CREB5: variants seen among roughly 807,000 people sequenced by gnomAD.
CREB5 encodes the protein cAMP responsive element binding protein 5.
Under a neutral mutation model 57.1 loss-of-function variants are expected in CREB5, and 19 were observed. That is an observed-to-expected ratio of 0.33 (90% CI 0.23 to 0.49). The LOEUF is 0.49. Among genes scored for constraint, CREB5 ranks in the 20% least tolerant of loss-of-function variants. The probability of loss-of-function intolerance (pLI) is 0.99; values close to 1 mark genes in which losing one functional copy is unlikely to be tolerated. For synonymous variants in CREB5, 238 were observed against 238.3 expected, an observed-to-expected ratio of 1.00 and a Z score of 0.01; for missense variants, 579 against 671.6, an observed-to-expected ratio of 0.86 and a Z score of 1.52.
At chr7:28,686,987 TG>T (rs1208979130) in intron 5 of CREB5, among the ~76,000 whole-genome samples, 9 of 136,626 alleles carry the variant, frequency 6.6e-5, no homozygotes, top group Non-Finnish European at 4.7e-5. Flanking sequence ...GTTGGGGGGT[TG>T]GGGGGGCGAT....
intron 3 of CREB5, among the ~76,000 whole-genome samples, chr7:28,496,167 T>A (rs1792035822): frequency 6.6e-6 from 1 of 152,210 alleles, no homozygotes; most frequent in African/African-American, 2.4e-5. Flanking sequence ...GGAAAAGTGT[T>A]GCATAAACCC....
chr7:28,447,799 C>T (rs1417627255), intron 1 of CREB5, among the ~76,000 whole-genome samples: 2 of 152,210 alleles, frequency 1.3e-5, no homozygotes, highest in Non-Finnish European at 2.9e-5. Context: ...TCAGGTATAC[C>T]TCAGGCTTTC....
chr7:28,676,618 G>A (rs1407307352), intron 5 of CREB5, among the ~76,000 whole-genome samples: 3 of 152,108 alleles, frequency 2.0e-5, no homozygotes, highest in Admixed American at 1.3e-4. Flanking sequence ...ATCCTTTTGG[G>A]AGAGTGATGG....
intron 1 of CREB5, among the ~76,000 whole-genome samples, chr7:28,404,597 T>C (rs1787539926): frequency 6.6e-6 from 1 of 152,156 alleles, no homozygotes; most frequent in African/African-American, 2.4e-5. Context: ...AGTTCAAAGA[T>C]AAAATTATTA....
chr7:28,402,816 T>G (rs1317111046), intron 1 of CREB5, among the ~76,000 whole-genome samples: 2 of 152,154 alleles, frequency 1.3e-5, no homozygotes, highest in Non-Finnish European at 2.9e-5. Context: ...AAGCCAAAAT[T>G]GACAAATGCG....
intron 7 of CREB5, among the ~76,000 whole-genome samples, chr7:28,766,280 G>A (rs1805981118): frequency 6.6e-6 from 1 of 152,044 alleles, no homozygotes; most frequent in South Asian, 2.1e-4. Flanking sequence ...AGAAAGGGAA[G>A]AAGGTCCCTT....
At chr7:28,540,982 C>G (rs562112388) in intron 4 of CREB5, among the ~76,000 whole-genome samples, 231 of 152,356 alleles carry the variant, frequency 1.5e-3, no homozygotes, top group Middle Eastern at 0.01. Context: ...ATGCTTGCAA[C>G]CACCAGTCCT....
At chr7:28,815,097 C>G (rs2128807988) in intron 9 of CREB5, among the ~76,000 whole-genome samples, 1 of 152,186 alleles carries the variant, frequency 6.6e-6, no homozygotes, top group South Asian at 2.1e-4. Flanking sequence ...ATAGCTACAC[C>G]CCATCTTTGC....
At chr7:28,573,025 C>G (rs919484486) in intron 5 of CREB5, among the ~76,000 whole-genome samples, 1 of 152,160 alleles carries the variant, frequency 6.6e-6, no homozygotes, top group Non-Finnish European at 1.5e-5. Flanking sequence ...ACCCACACAT[C>G]TTGTCGTTTC....
intron 4 of CREB5, among the ~76,000 whole-genome samples, chr7:28,524,457 G>C (rs1269435466): frequency 6.6e-6 from 1 of 152,156 alleles, no homozygotes; most frequent in Admixed American, 6.6e-5. Context: ...AGCCGAGATC[G>C]TGTCACTGCA....
intron 5 of CREB5, among the ~76,000 whole-genome samples, chr7:28,673,441 T>C (rs1800148347): frequency 6.6e-6 from 1 of 152,202 alleles, no homozygotes; most frequent in Admixed American, 6.5e-5. Context: ...AAGTGAGAAA[T>C]GGCATAGAAG....
chr7:28,773,472 G>A (rs1272772309), intron 7 of CREB5, among the ~76,000 whole-genome samples: 1 of 152,046 alleles, frequency 6.6e-6, no homozygotes, highest in Non-Finnish European at 1.5e-5. Context: ...TACAGCAGAA[G>A]TGGGCAAACG....
intron 5 of CREB5, among the ~76,000 whole-genome samples, chr7:28,676,081 TAA>T (rs1271739722): frequency 6.6e-6 from 1 of 152,114 alleles, no homozygotes; most frequent in Non-Finnish European, 1.5e-5. Flanking sequence ...TAAGGGGGTA[TAA>T]AAATCTCCAG....
intron 1 of CREB5, among the ~76,000 whole-genome samples, chr7:28,434,976 T>A (rs527908044): frequency 3.9e-5 from 6 of 152,268 alleles, no homozygotes; most frequent in Non-Finnish European, 7.4e-5. Flanking sequence ...AGCACGTGAA[T>A]GTCTTATTTT....
chr7:28,552,361 C>T (rs996566438), intron 4 of CREB5, among the ~76,000 whole-genome samples: 4 of 152,206 alleles, frequency 2.6e-5, no homozygotes, highest in Admixed American at 2.0e-4. Flanking sequence ...TGCTGAGTTA[C>T]ACTTCCTGTG....
intron 1 of CREB5, among the ~76,000 whole-genome samples, chr7:28,363,365 T>G (rs1786527666): frequency 6.6e-6 from 1 of 152,148 alleles, no homozygotes; most frequent in South Asian, 2.1e-4. Flanking sequence ...AATTTTGGGA[T>G]GCTGACCCTG....
At chr7:28,544,931 C>A (rs1233093778) in intron 4 of CREB5, among the ~76,000 whole-genome samples, 1 of 152,106 alleles carries the variant, frequency 6.6e-6, no homozygotes, top group Non-Finnish European at 1.5e-5. Context: ...AATGCCTCTG[C>A]CAGAGTTTGA....
At chr7:28,519,714 A>G (rs938602164) in intron 4 of CREB5, among the ~76,000 whole-genome samples, 2 of 152,226 alleles carry the variant, frequency 1.3e-5, no homozygotes, top group African/African-American at 2.4e-5. Flanking sequence ...ATAGACCACA[A>G]CTGCTCAGTG....
intron 1 of CREB5, among the ~76,000 whole-genome samples, chr7:28,367,006 A>G (rs1315095463): frequency 6.6e-6 from 1 of 150,620 alleles, no homozygotes; most frequent in Non-Finnish European, 1.5e-5. Flanking sequence ...AGATCTGAAA[A>G]TCGCTCTCCT....
Sources: gnomAD v4.1 joint callset for allele counts (sites outside exome capture counted in the v4.1 genomes callset) on GRCh38, gnomAD v4.1.1 for gene constraint, MANE v1.5 for transcripts, NCBI Gene and HGNC (gene_info 2026-07-23, HGNC 2026-07-21) for gene names.